Variants in MORC2 observed in about 807,000 individuals in gnomAD.
MORC2 encodes the protein ATPase MORC2.
MORC2 carries 30 observed loss-of-function variants against 136.0 expected under a neutral mutation model. The ratio of observed to expected loss-of-function variants is 0.22; its 90% confidence interval spans 0.17 to 0.30. The LOEUF (loss-of-function observed/expected upper bound fraction) is 0.30. Ranked by LOEUF, MORC2 falls within the 10% of genes least tolerant of loss-of-function variation. The pLI is 1.00. For missense variants in MORC2, 922 were observed against 1,333.1 expected (o/e 0.69, Z 4.80); for synonymous variants, 439 against 487.0 (o/e 0.90, Z 1.30).
At chr22:30,952,431 C>T (rs544714344) in intron 3 of MORC2, among the ~76,000 whole-genome samples, 1 of 152,322 alleles carries the variant, frequency 6.6e-6, no homozygotes, top group East Asian at 1.9e-4. Flanking sequence ...AACTCTTAGG[C>T]TGCTTTAGCA....
chr22:30,942,164 G>C lies in MORC2; in HGVS notation c.534C>G (p.Phe178Leu). ...ETELIYKYSPFRTEEEVMTQF... is the reference protein window; with the variant it reads ...ETELIYKYSPLRTEEEVMTQF... ...GGGTCATCACTTCCTCCTCAGTGCG[G>C]AATGGAGAGTACTTATAGATGAGTT... is the stretch of plus-strand genomic sequence containing the variant. Residue 178 changes from phenylalanine (F) to leucine (L), a missense_variant, in exon 7 of 26, where the codon TTC becomes TTG. This residue lies in a region of MORC2 where 261 missense variants were observed against 354.3 expected (regional missense o/e 0.74). Coordinates refer to ENST00000397641, the MANE Select transcript of MORC2 (RefSeq NM_001303256.3). 2 of 1,614,176 alleles carry C rather than the reference G, an allele frequency of 1.2e-6. No homozygotes were observed. The highest frequency in any genetic ancestry group is 1.7e-6 in the Non-Finnish European group (2 of 1,180,004).
intron 10 of MORC2, 91 bp downstream of exon 10, chr22:30,940,667 G>A: frequency 9.0e-7 from 1 of 1,115,832 alleles, no homozygotes; most frequent in Non-Finnish European, 1.4e-6. Context: ...CTGAGTTGTG[G>A]ACTCAGCCTT....
At chr22:30,928,626 T>G (rs2040526900) in intron 24 of MORC2, among the ~76,000 whole-genome samples, 1 of 152,204 alleles carries the variant, frequency 6.6e-6, no homozygotes, top group African/African-American at 2.4e-5. Flanking sequence ...TCATGTCAGT[T>G]CTCTTTCCAC....
chr22:30,938,921 A>G (rs1039119407), intron 12 of MORC2, among the ~76,000 whole-genome samples: 2 of 152,238 alleles, frequency 1.3e-5, no homozygotes, highest in Non-Finnish European at 2.9e-5. Flanking sequence ...AGCATGTGCA[A>G]TAAGACACCA....
chr22:30,949,729 T>C lies in MORC2; in HGVS notation c.317+23A>G. 2.5e-6 allele frequency: 4 copies of C among 1,594,484 alleles called. No individual in the cohort carries two copies. The South Asian group carries it at 4.4e-5, about 18-fold the overall frequency. On this transcript the variant is annotated intron_variant, in intron 5 of 25. Coordinates refer to ENST00000397641, the MANE Select transcript of MORC2 (RefSeq NM_001303256.3). The stretch of plus-strand genomic sequence containing the variant: ...ATTGCTGGATTTTGTTTGAGCCCTG[T>C]GACAAGCTTCTAATATACCTACGAT...
rs2040489057 is a variant in MORC2 at position 30,926,698 on chromosome 22, A to G, written c.*105T>C. On this transcript the variant is annotated 3_prime_UTR_variant, in exon 26 of 26. Coordinates refer to ENST00000397641, the MANE Select transcript of MORC2 (RefSeq NM_001303256.3). ...CTCCAAAAACACAAATGTCCCGTGT[A>G]AGTCAAACCAAGGTGCGACCACCAA... 1.1e-5 allele frequency: 8 copies of G among 739,000 alleles called. No individual in the cohort carries two copies. Among genetic ancestry groups the G allele is most frequent in the Admixed American group, 2.5e-5 (1 of 40,562 alleles). 45.8% of individuals were successfully genotyped at this position (739,000 alleles called of 1,614,324 possible).
intron 3 of MORC2, 143 bp downstream of exon 3, chr22:30,956,620 C>T (rs1569202229): frequency 1.5e-6 from 1 of 682,864 alleles, no homozygotes; most frequent in East Asian, 2.9e-5. Context: ...ACTACGGCTG[C>T]CCCTTTTCTA....
At chr22:30,965,209 T>C (rs2041109232) in intron 1 of MORC2, among the ~76,000 whole-genome samples, 1 of 152,226 alleles carries the variant, frequency 6.6e-6, no homozygotes, top group African/African-American at 2.4e-5. Flanking sequence ...CAAAGGACCA[T>C]TTATTTCCTA....
Position 30,935,275 on chromosome 22 carries a change from C to T in MORC2, c.1785G>A (p.Leu595=). The part of the protein sequence containing the change: ...RSQADLKKLP[L]EVTTRPSTEE... ...CAGTGGAAGGTCTGGTGGTCACTTC[C>T]AAGGGCAATTTCTTCAGGTCTGCTT... The change falls in exon 18 of 26, where the codon TTG becomes TTA. Residue 595 remains leucine, a synonymous_variant. Transcript: ENST00000397641. The T allele has an allele frequency of 6.2e-7, 1 of 1,613,836 alleles. No individual in the cohort carries two copies. The highest frequency in any genetic ancestry group is 2.2e-5 in the East Asian group (1 of 44,872).
At position 30,926,940 on chromosome 22, in the gene MORC2, TCTCTCAG is replaced by T. The variant is rs569269321; in HGVS notation, c.3031-76_3031-70del. The T allele has an allele frequency of 3.8e-5, 51 of 1,337,102 alleles. No homozygotes were observed. The East Asian group carries it at 7.0e-4, about 18-fold the overall frequency. The allele number at this position is 1,337,102 out of a possible 1,614,324, so 82.8% of individuals were successfully genotyped here. A position where few individuals can be genotyped will look rare whatever the true frequency, so the allele number is the denominator to read the frequency against. ...ATTGGGGGGCTCACCTTTCCACCCT[TCTCTCAG>T]CTCCTGGGATGGAGCCCAGAGTCCT... is the stretch of plus-strand genomic sequence containing the variant. On this transcript the variant is annotated intron_variant, in intron 25 of 25. Coordinates refer to ENST00000397641, the MANE Select transcript of MORC2 (RefSeq NM_001303256.3).
rs917974183 is a variant in MORC2 at position 30,928,391 on chromosome 22, G to A, written c.2842-184C>T. Among the ~76,000 whole-genome samples the A allele has an allele frequency of 3.9e-5, 6 of 152,160 alleles. No individual in the cohort carries two copies. The East Asian group carries it at 1.2e-3, about 29-fold the overall frequency. On this transcript the variant is annotated intron_variant, in intron 24 of 25. Coordinates refer to ENST00000397641, the MANE Select transcript of MORC2 (RefSeq NM_001303256.3). ...GTAGAGAGACATCAATGCCTATCTTGTGGGGCTGCCACAAGGAAGAAGACA... is the reference window on the plus strand; with the variant it reads ...GTAGAGAGACATCAATGCCTATCTTATGGGGCTGCCACAAGGAAGAAGACA...
Position 30,941,612 on chromosome 22 carries a change from C to T in MORC2, c.699-54G>A. 6.3e-7 allele frequency: 1 copy of T among 1,587,824 alleles called. No individual in the cohort carries two copies. On this transcript the variant is annotated intron_variant, in intron 8 of 25. Transcript: ENST00000397641. The surrounding 1 kb of genome is among the most constrained non-coding windows in gnomAD (Gnocchi z 4.6). ...GTCACCTGCTCCACAACAGGCCTGA[C>T]CAAGGGCACAACATCCTCTCTGCAG...
At chr22:30,948,175 G>A (rs2040844957) in intron 5 of MORC2, among the ~76,000 whole-genome samples, 1 of 152,174 alleles carries the variant, frequency 6.6e-6, no homozygotes, top group Non-Finnish European at 1.5e-5. Flanking sequence ...GTAAGAAACA[G>A]ACATTCAGGG....
chr22:30,934,857 G>C lies in MORC2; in HGVS notation c.2117C>G (p.Pro706Arg), dbSNP rs1602481443. The C allele has an allele frequency of 2.5e-6, 4 of 1,614,188 alleles. No homozygotes were observed. The highest frequency in any genetic ancestry group is 3.4e-6 in the Non-Finnish European group (4 of 1,180,042). The change falls in exon 19 of 26, where the codon CCT (proline) becomes CGT (arginine). Residue 706 changes from proline to arginine, a missense_variant. Pro to Arg is a moderately radical substitution (Grantham distance 103). This residue lies in a region of MORC2 where 184 missense variants were observed against 180.3 expected (regional missense o/e 1.02). Coordinates refer to ENST00000397641, the MANE Select transcript of MORC2 (RefSeq NM_001303256.3). This position sits in a 1 kb window ranked among gnomAD's most constrained non-coding sequence, Gnocchi z 4.4. ...GACTTTGGGAGAAGGAACCTCCCGAGGGCTCTTGGAGTTGGGCAGTAAAGA... is the reference window on the plus strand; with the variant it reads ...GACTTTGGGAGAAGGAACCTCCCGACGGCTCTTGGAGTTGGGCAGTAAAGA... ...SPSLLPNSKS[P>R]REVPSPKVIK...
In MORC2 at chr22:30,934,962, G is replaced by A; in HGVS notation, c.2012C>T (p.Pro671Leu). ...EASTSRLLQP[P>L]EAPRKPANTL... ...GTTGGCAGGCTTTCGGGGTGCCTCA[G>A]GTGGCTGGAGCAGCCTAGATGTGCT... The change falls in exon 19 of 26, where the codon CCT (proline) becomes CTT (leucine). Residue 671 changes from proline (P) to leucine (L), a missense_variant. Physicochemically the swap from Pro to Leu is moderately conservative, Grantham distance 98. Coordinates refer to ENST00000397641, the MANE Select transcript of MORC2 (RefSeq NM_001303256.3). The surrounding 1 kb of genome is among the most constrained non-coding windows in gnomAD (Gnocchi z 4.4). The A allele has an allele frequency of 1.2e-6, 2 of 1,614,136 alleles. No individual in the cohort carries two copies. Among genetic ancestry groups the A allele is most frequent in the Non-Finnish European group, 8.5e-7 (1 of 1,180,028 alleles).
chr22:30,967,940 T>G lies in MORC2; in HGVS notation c.-51A>C. On this transcript the variant is annotated 5_prime_UTR_variant, in exon 1 of 26. Coordinates refer to ENST00000397641, the MANE Select transcript of MORC2 (RefSeq NM_001303256.3). ...CACCCGCTAACTGGGAAATATAACCTTATAATGATATCGATTTCCCAGGAT... is the reference window on the plus strand; with the variant it reads ...CACCCGCTAACTGGGAAATATAACCGTATAATGATATCGATTTCCCAGGAT... 7.2e-7 allele frequency: 1 copy of G among 1,391,542 alleles called. No individual in the cohort carries two copies. The highest frequency in any genetic ancestry group is 2.0e-5 in the Admixed American group (1 of 50,720). 86.2% of individuals were successfully genotyped at this position (1,391,542 alleles called of 1,614,324 possible).
At chr22:30,950,904 T>C (rs1040960860) in intron 3 of MORC2, among the ~76,000 whole-genome samples, 12 of 152,220 alleles carry the variant, frequency 7.9e-5, no homozygotes, top group Non-Finnish European at 1.8e-4. Context: ...GTCTGGGGTA[T>C]CCTTCAAAGT....
chr22:30,967,991 CT>C lies in MORC2; in HGVS notation c.-103del, dbSNP rs1438756373. On this transcript the variant is annotated 5_prime_UTR_variant, in exon 1 of 26. Transcript: ENST00000397641. ...TCTGTCCAGTAAAGCTTCAGTAAGT[CT>C]GTGCTCCTTAATGACAGTTAAAGTA... 6.8e-6 allele frequency: 7 copies of C among 1,035,866 alleles called. No individual in the cohort carries two copies. Among genetic ancestry groups the C allele is most frequent in the Non-Finnish European group, 1.0e-5 (7 of 683,788 alleles). The allele number at this position is 1,035,866 out of a possible 1,614,324, so 64.2% of individuals were successfully genotyped here. A position where few individuals can be genotyped will look rare whatever the true frequency, so the allele number is the denominator to read the frequency against.
intron 17 of MORC2, among the ~76,000 whole-genome samples, chr22:30,935,778 A>T (rs1214842596): frequency 6.6e-6 from 1 of 152,252 alleles, no homozygotes; most frequent in African/African-American, 2.4e-5. Context: ...AGACATATCT[A>T]GAAAAAAACA....
Sources: gnomAD v4.1 joint callset for allele counts (sites outside exome capture counted in the v4.1 genomes callset) on GRCh38, gnomAD v4.1.1 for gene constraint, gnomAD v4.1.1 regional missense constraint, Gnocchi (gnomAD v3.1) non-coding constraint, MANE v1.5 for transcripts, NCBI Gene and HGNC (gene_info 2026-07-23, HGNC 2026-07-21) for gene names.